PRELID2: variants seen among roughly 807,000 people sequenced by gnomAD.
PRELID2 encodes PRELI domain containing 2.
A neutral mutation model predicts 28.4 loss-of-function variants in PRELID2; 25 were observed. That is an observed-to-expected ratio of 0.88 (90% CI 0.64 to 1.23). The LOEUF (loss-of-function observed/expected upper bound fraction) is 1.23. PRELID2 is among the 50% of genes most tolerant of loss of function. The pLI is 0.00. For missense variants in PRELID2, 201 were observed against 214.4 expected, an observed-to-expected ratio of 0.94 and a Z score of 0.39; for synonymous variants, 76 against 71.6, an observed-to-expected ratio of 1.06 and a Z score of -0.31.
chr5:145,510,499 T>C (rs1752452012), intron 1 of PRELID2, among the ~76,000 whole-genome samples: 1 of 152,178 alleles, frequency 6.6e-6, no homozygotes, highest in Non-Finnish European at 1.5e-5. Flanking sequence ...TCAGAAACAC[T>C]GATGATGCAA....
chr5:145,457,172 A>ACTCAT, the PRELID2 span, among the ~76,000 whole-genome samples: 5 of 152,176 alleles, frequency 3.3e-5, no homozygotes, highest in Non-Finnish European at 5.9e-5. Context: ...TGTAATAAAA[A>ACTCAT]GAGCATGAGC....
intron 5 of PRELID2, chr5:145,795,391 A>T (rs1406910405): frequency 6.6e-6 from 1 of 152,146 alleles, no homozygotes; most frequent in Non-Finnish European, 1.5e-5. Context: ...CTGGAGCAAG[A>T]ACACATCATC....
the PRELID2 span, among the ~76,000 whole-genome samples, chr5:145,252,780 AG>A: frequency 6.6e-6 from 1 of 152,108 alleles, no homozygotes; most frequent in Non-Finnish European, 1.5e-5. Flanking sequence ...CAAAATGTAT[AG>A]TGATAATGGT....
chr5:145,253,603 A>G, the PRELID2 span, among the ~76,000 whole-genome samples: 3 of 151,722 alleles, frequency 2.0e-5, no homozygotes, highest in African/African-American at 7.3e-5. Flanking sequence ...TCTGTCAGCC[A>G]TCTCTGTGGT....
the PRELID2 span, among the ~76,000 whole-genome samples, chr5:145,308,134 C>T: frequency 1.3e-5 from 2 of 152,166 alleles, no homozygotes; most frequent in Non-Finnish European, 2.9e-5. Flanking sequence ...TGAGAGGGCA[C>T]CAGGTGCCTC....
At chr5:145,366,827 T>C in the PRELID2 span, among the ~76,000 whole-genome samples, 3 of 151,830 alleles carry the variant, frequency 2.0e-5, no homozygotes, top group Non-Finnish European at 2.9e-5. Flanking sequence ...ATTTTCTAAA[T>C]TTTCTACAAT....
the PRELID2 span, among the ~76,000 whole-genome samples, chr5:145,438,301 A>C: frequency 6.6e-6 from 1 of 152,144 alleles, no homozygotes; most frequent in African/African-American, 2.4e-5. Context: ...CAAGAAATCA[A>C]GAAGCAAATA....
At chr5:145,368,087 T>C in the PRELID2 span, among the ~76,000 whole-genome samples, 3 of 151,986 alleles carry the variant, frequency 2.0e-5, no homozygotes, top group African/African-American at 7.2e-5. Flanking sequence ...TTTTATTATT[T>C]GGTTATTTAT....
intron 1 of PRELID2, among the ~76,000 whole-genome samples, chr5:145,668,156 A>G (rs978759019): frequency 6.6e-6 from 1 of 152,024 alleles, no homozygotes; most frequent in African/African-American, 2.4e-5. Context: ...CTGTGACAGA[A>G]TAAGTGAATG....
At chr5:145,791,426 G>A (rs568243640) in intron 5 of PRELID2, among the ~76,000 whole-genome samples, 423 of 152,278 alleles carry the variant, frequency 2.8e-3, no homozygotes, top group Non-Finnish European at 5.1e-3. Flanking sequence ...ATGCTACAAT[G>A]CAGATGAACA....
In PRELID2 at chr5:145,758,994, A is replaced by ATTTTCTT. The variant is rs1757347942; in HGVS notation, c.*1541_*1542insAAGAAAA. ...CCAAGACTCTCCAGTAACGGCCTGA[A>ATTTTCTT]TTTTTTTTTTTTTTTTTTTTTTTTG... On this transcript the variant is annotated 3_prime_UTR_variant, in exon 7 of 7. Transcript: ENST00000683046. The ATTTTCTT allele has an allele frequency of 1.1e-5, 1 of 90,592 alleles. No individual in the cohort carries two copies. The highest frequency in any genetic ancestry group is 3.6e-4 in the East Asian group (1 of 2,754). 5.6% of individuals were successfully genotyped at this position (90,592 alleles called of 1,614,324 possible).
chr5:145,398,251 G>A, the PRELID2 span, among the ~76,000 whole-genome samples: 2 of 151,982 alleles, frequency 1.3e-5, no homozygotes, highest in Non-Finnish European at 2.9e-5. Context: ...ATGTCCCCTG[G>A]GGCAACTGTT....
intron 5 of PRELID2, among the ~76,000 whole-genome samples, chr5:145,766,501 AC>A (rs1357193111): frequency 1.3e-5 from 2 of 152,140 alleles, no homozygotes; most frequent in African/African-American, 4.8e-5. Flanking sequence ...TATATTTAAC[AC>A]CAAAGTAGAC....
chr5:145,429,130 A>T, the PRELID2 span, among the ~76,000 whole-genome samples: 1 of 152,224 alleles, frequency 6.6e-6, no homozygotes, highest in Non-Finnish European at 1.5e-5. Flanking sequence ...GTGTGAAAAC[A>T]TTAAGAGCAG....
chr5:145,479,852 G>C (rs533023378), intron 1 of PRELID2, among the ~76,000 whole-genome samples: 1 of 152,220 alleles, frequency 6.6e-6, no homozygotes, highest in Admixed American at 6.5e-5. Context: ...TGACAAAAAA[G>C]GGGGGTAAGA....
the PRELID2 span, among the ~76,000 whole-genome samples, chr5:145,298,390 A>G: frequency 6.6e-6 from 1 of 152,158 alleles, no homozygotes; most frequent in Non-Finnish European, 1.5e-5. Flanking sequence ...TATTTAATAA[A>G]TGGTGCTGGG....
At chr5:145,654,228 A>T (rs982583421) in intron 1 of PRELID2, among the ~76,000 whole-genome samples, 1 of 152,234 alleles carries the variant, frequency 6.6e-6, no homozygotes, top group Non-Finnish European at 1.5e-5. Context: ...ATAGACCAAT[A>T]ACAGGCTCTG....
the PRELID2 span, among the ~76,000 whole-genome samples, chr5:145,413,138 G>C: frequency 3.7e-4 from 56 of 152,010 alleles, 1 homozygote; most frequent in East Asian, 0.011. Flanking sequence ...AAACAAATCA[G>C]AGATAAAAAA....
chr5:145,282,008 A>T, the PRELID2 span, among the ~76,000 whole-genome samples: 2 of 152,202 alleles, frequency 1.3e-5, no homozygotes, highest in Non-Finnish European at 2.9e-5. Flanking sequence ...AGAGTCACAT[A>T]GACATGAAAT....
Sources: gnomAD v4.1 joint callset for allele counts (sites outside exome capture counted in the v4.1 genomes callset) on GRCh38, gnomAD v4.1.1 for gene constraint, MANE v1.5 for transcripts, NCBI Gene and HGNC (gene_info 2026-07-23, HGNC 2026-07-21) for gene names.